The following ESYT1 variants were observed in gnomAD, a reference collection of about 807,000 sequenced individuals.
ESYT1 encodes the protein extended synaptotagmin-1.
ESYT1 carries 116 observed loss-of-function variants against 154.2 expected under a neutral mutation model. That is an observed-to-expected ratio of 0.75 (90% confidence interval 0.65 to 0.88). The LOEUF (loss-of-function observed/expected upper bound fraction) is 0.88, where lower values mean the gene tolerates loss of function less well. ESYT1 is among the 40% of genes least tolerant of loss of function. The pLI, the probability that ESYT1 is intolerant of heterozygous loss-of-function variation, is 0.00. For missense variants in ESYT1, 1,264 were observed against 1,379.3 expected, an observed-to-expected ratio of 0.92 and a Z score of 1.32; for synonymous variants, 500 against 539.9, an observed-to-expected ratio of 0.93 and a Z score of 1.02.
chr12:56,132,856 C>T (rs971069982), intron 10 of ESYT1, 55 bp downstream of exon 10: 14 of 1,511,126 alleles, frequency 9.3e-6, no homozygotes, highest in Non-Finnish European at 1.3e-5. Flanking sequence ...CACGGTGGCT[C>T]ATGCCTGTAA....
chr12:56,130,681 T>C, intron 2 of ESYT1, 58 bp downstream of exon 2: 14 of 1,613,698 alleles, frequency 8.7e-6, no homozygotes, highest in Non-Finnish European at 1.1e-5. Context: ...TTGTTTCTTC[T>C]TGCCAGACCC....
intron 21 of ESYT1, 66 bp downstream of exon 21, chr12:56,138,338 T>C: frequency 6.2e-7 from 1 of 1,612,608 alleles, no homozygotes; most frequent in East Asian, 2.2e-5. Flanking sequence ...TCTCTTAGCG[T>C]TCAAGGCACA....
rs113588232 is a variant in ESYT1 at position 56,138,069 on chromosome 12, G to A, written c.2242G>A (p.Asp748Asn). 50 of 1,614,156 alleles carry A rather than the reference G, an allele frequency of 3.1e-5. 2 individuals carry two copies. In the South Asian group the frequency reaches 5.1e-4, roughly 16 times the overall value. Residue 748 changes from aspartate (D) to asparagine (N), a missense_variant, in exon 20 of 31, where the codon GAT becomes AAT. By Grantham distance (23) the Asp-to-Asn change is conservative. Transcript: ENST00000394048. Reference sequence around the variant, plus strand: ...CACAGTCTTAAACAGTGGCTTCCTTGATGAGGTGAGCATTGAATTAGAGTC... The same window carrying A: ...CACAGTCTTAAACAGTGGCTTCCTTAATGAGGTGAGCATTGAATTAGAGTC... ...LTTVLNSGFL[D>N]EWLTLEDVPS...
At chr12:56,136,401 G>C (rs11171755) in intron 15 of ESYT1, among the ~76,000 whole-genome samples, 2,452 of 151,984 alleles carry the variant, frequency 0.016, 69 homozygotes, top group African/African-American at 0.055. Flanking sequence ...CCAGCCTGGG[G>C]AACACCATGA....
In ESYT1 at chr12:56,131,302, G is replaced by A. The variant is rs1300313525; in HGVS notation, c.700G>A (p.Val234Ile). Reference sequence around the variant, plus strand: ...GAAGAAATATTTTTGCAAAGCAGGAGTCAAGGGCATGCAGGTAGGCCAGAT... The same window carrying A: ...GAAGAAATATTTTTGCAAAGCAGGAATCAAGGGCATGCAGGTAGGCCAGAT... ...EVKKYFCKAG[V>I]KGMQLHGVLR... is the part of the protein sequence containing the mutation. The change falls in exon 5 of 31, where the codon GTC becomes ATC. Residue 234 changes from valine to isoleucine, a missense_variant. Val to Ile is a conservative substitution (Grantham distance 29). Transcript: ENST00000394048. 4 of 1,614,092 alleles carry A rather than the reference G, an allele frequency of 2.5e-6. No homozygotes were observed.
Position 56,142,219 on chromosome 12 carries a change from A to G in ESYT1, c.2593-66A>G. On this transcript the variant is annotated intron_variant, in intron 24 of 30. Coordinates refer to ENST00000394048, the MANE Select transcript of ESYT1 (RefSeq NM_015292.3). This position sits in a 1 kb window ranked among gnomAD's most constrained non-coding sequence, Gnocchi z 4.1. Reference sequence around the variant, plus strand: ...TATGAGTCCAAGCGTTTGGACCTTTAAAACACCAGGATTAACTCATTTGTT... The same window carrying G: ...TATGAGTCCAAGCGTTTGGACCTTTGAAACACCAGGATTAACTCATTTGTT... 1 of 1,582,074 alleles carries G rather than the reference A, an allele frequency of 6.3e-7. No individual in the cohort carries two copies. The highest frequency in any genetic ancestry group is 8.6e-7 in the Non-Finnish European group (1 of 1,159,598).
chr12:56,133,532 G>C, intron 11 of ESYT1, 56 bp from the exon 12 acceptor site: 1 of 1,613,002 alleles, frequency 6.2e-7, no homozygotes, highest in South Asian at 1.1e-5. Context: ...TTGCTACATT[G>C]GTAGGGAAGT....
intron 1 of ESYT1, 132 bp downstream of exon 1, chr12:56,128,841 C>T: frequency 2.7e-6 from 3 of 1,112,602 alleles, no homozygotes; most frequent in Non-Finnish European, 3.8e-6. Flanking sequence ...CCCTCTCTCC[C>T]CGCTAGCCGC....
intron 15 of ESYT1, among the ~76,000 whole-genome samples, chr12:56,134,746 G>A (rs1204078872): frequency 6.6e-6 from 1 of 151,854 alleles, no homozygotes; most frequent in Non-Finnish European, 1.5e-5. Context: ...TTACAGGCAG[G>A]CACCACCATG....
rs371156133 is a variant in ESYT1 at position 56,137,857 on chromosome 12, A to G, written c.2141A>G (p.Gln714Arg). ...GTGATCGTCACATCAGTTCCAGGCC[A>G]AGAGCTAGAGGTTGAAGTCTTTGAC... ...FEVIVTSVPG[Q>R]ELEVEVFDKD... The change falls in exon 19 of 31, where the codon CAA becomes CGA. Residue 714 changes from glutamine to arginine, a missense_variant. Physicochemically the swap from Gln to Arg is conservative, Grantham distance 43. Coordinates refer to ENST00000394048, the MANE Select transcript of ESYT1 (RefSeq NM_015292.3). The G allele has an allele frequency of 5.0e-6, 8 of 1,614,054 alleles. No individual in the cohort carries two copies. Among genetic ancestry groups the G allele is most frequent in the Non-Finnish European group, 6.8e-6 (8 of 1,180,036 alleles).
intron 24 of ESYT1, among the ~76,000 whole-genome samples, chr12:56,141,734 C>T (rs564681373): frequency 8.1e-4 from 122 of 151,410 alleles, no homozygotes; most frequent in South Asian, 8.4e-4. Flanking sequence ...AGCGAGACTC[C>T]GTCTCAAAAA....
rs1870322282 is a variant in ESYT1 at position 56,133,435 on chromosome 12, G to T, written c.1263G>T (p.Gly421=). ...CCCTCAGAATGAAGCTGGATGTAGG[G>T]AAGGTGTTACAGGCTAGCGTTCTGG... ...DFLGRMKLDV[G]KVLQASVLDD... The change falls in exon 11 of 31, where the codon GGG becomes GGT. Residue 421 remains glycine (G), a synonymous_variant. Transcript: ENST00000394048. The T allele has an allele frequency of 6.2e-7, 1 of 1,614,108 alleles. No individual in the cohort carries two copies. Among genetic ancestry groups the T allele is most frequent in the African/African-American group, 1.3e-5 (1 of 74,920 alleles).
At chr12:56,130,400 G>A (rs1565872450) in intron 1 of ESYT1, 182 bp from the exon 2 acceptor site, 1 of 686,202 alleles carries the variant, frequency 1.5e-6, no homozygotes, top group South Asian at 1.7e-5. Flanking sequence ...CCTTATTAGA[G>A]AGACATCAGC....
rs757594009 is a variant in ESYT1, at chr12:56,133,841, G to C, written c.1441G>C (p.Val481Leu). 6.2e-7 allele frequency: 1 copy of C among 1,614,180 alleles called. No homozygotes were observed. The highest frequency in any genetic ancestry group is 1.3e-5 in the African/African-American group (1 of 75,046). ...AGATCCCCCGTCAGCTGCCATCTTAGTTGTCTACCTGGATCGGGCCCAGGA... is the reference window on the plus strand; with the variant it reads ...AGATCCCCCGTCAGCTGCCATCTTACTTGTCTACCTGGATCGGGCCCAGGA... ...RPDPPSAAIL[V>L]VYLDRAQDLP... The change falls in exon 13 of 31, where the codon GTT becomes CTT. Residue 481 changes from valine (V) to leucine (L), a missense_variant. Transcript: ENST00000394048.
At chr12:56,130,531 C>G in intron 1 of ESYT1, 51 bp from the exon 2 acceptor site, 1 of 1,610,206 alleles carries the variant, frequency 6.2e-7, no homozygotes, top group South Asian at 1.1e-5. Flanking sequence ...AGTAGGAAAC[C>G]AGAGGCGAGG....
rs1156778587 is a variant in ESYT1, at chr12:56,143,611, C to T, written c.3257C>T (p.Ser1086Phe). 1.9e-6 allele frequency: 3 copies of T among 1,614,164 alleles called. No homozygotes were observed. The South Asian group carries it at 3.3e-5, about 18-fold the overall frequency. ...VQLDLAETDL[S>F]QGVARWYDLM... is the part of the protein sequence containing the mutation. ...CTGGACCTAGCTGAGACAGACCTTT[C>T]CCAGGGTGTAGCCCGGTGGTGAGTG... Residue 1086 changes from serine (S) to phenylalanine (F), a missense_variant, in exon 30 of 31, where the codon TCC becomes TTC. By Grantham distance (155) the Ser-to-Phe change is radical. Transcript: ENST00000394048.
In ESYT1 at chr12:56,142,247, T is replaced by C. The variant is rs1421082087; in HGVS notation, c.2593-38T>C. ...ACACCAGGATTAACTCATTTGTTGA[T>C]GCATTCGCCTCTTGATCATGGTCCT... On this transcript the variant is annotated intron_variant, in intron 24 of 30. Coordinates refer to ENST00000394048, the MANE Select transcript of ESYT1 (RefSeq NM_015292.3). This position sits in a 1 kb window ranked among gnomAD's most constrained non-coding sequence, Gnocchi z 4.1. 1 of 1,608,082 alleles carries C rather than the reference T, an allele frequency of 6.2e-7. No homozygotes were observed. The highest frequency in any genetic ancestry group is 1.3e-5 in the African/African-American group (1 of 74,812).
Position 56,138,784 on chromosome 12 carries a change from A to G in ESYT1, c.2450A>G (p.Lys817Arg). 1 of 1,614,216 alleles carries G rather than the reference A, an allele frequency of 6.2e-7. No homozygotes were observed. Among genetic ancestry groups the G allele is most frequent in the Non-Finnish European group, 8.5e-7 (1 of 1,180,026 alleles). ...AEDLPLRKGT[K>R]HLSPYATLTV... ...TCTTTCTAGCTGCGAAAAGGCACCA[A>G]GCACCTCAGCCCTTATGCTACTCTC... Residue 817 changes from lysine to arginine, a missense_variant, in exon 23 of 31, where the codon AAG becomes AGG. By Grantham distance (26) the Lys-to-Arg change is conservative (BLOSUM62 2). Transcript: ENST00000394048.
chr12:56,136,702 C>G, intron 15 of ESYT1, 42 bp from the exon 16 acceptor site: 1 of 1,535,752 alleles, frequency 6.5e-7, no homozygotes, highest in Non-Finnish European at 8.8e-7. Context: ...GCCTCCCTTT[C>G]CCCTAATCCC....
Sources: allele counts gnomAD v4.1 joint callset (sites outside exome capture counted in the v4.1 genomes callset), GRCh38; gene constraint gnomAD v4.1.1; non-coding constraint Gnocchi (gnomAD v3.1); transcripts MANE v1.5; gene names NCBI Gene and HGNC (gene_info 2026-07-23, HGNC 2026-07-21).